Variants in GNB1 observed in about 807,000 individuals in gnomAD.
GNB1 encodes G protein subunit beta 1, also known as guanine nucleotide-binding protein G(I)/G(S)/G(T) subunit beta-1.
In GNB1, 2 loss-of-function variants were observed where a neutral mutation model predicts 42.9. That is an observed-to-expected ratio of 0.05 (90% confidence interval 0.02 to 0.15). GNB1 has a LOEUF of 0.15. Ranked by LOEUF, GNB1 falls within the 10% of genes least tolerant of loss-of-function variation. The pLI is 1.00. For missense variants in GNB1, 193 were observed against 462.2 expected, an observed-to-expected ratio of 0.42 and a Z score of 5.34; for synonymous variants, 183 against 174.7, an observed-to-expected ratio of 1.05 and a Z score of -0.38.
rs775053997 is a variant in GNB1 at position 1,804,601 on chromosome 1, T to C, written c.268-20A>G. On this transcript the variant is annotated intron_variant, in intron 6 of 11. Coordinates refer to ENST00000378609, the MANE Select transcript of GNB1 (RefSeq NM_002074.5). ...GTGGACCTAATGACAGAAAGACAGA[T>C]GATGCAAACAACTTTATGTTCAAAA... 6.5e-7 allele frequency: 1 copy of C among 1,538,500 alleles called. No homozygotes were observed. Among genetic ancestry groups the C allele is most frequent in the Non-Finnish European group, 8.8e-7 (1 of 1,139,442 alleles).
chr1:1,837,533 C>T (rs931285862), intron 2 of GNB1, among the ~76,000 whole-genome samples: 6 of 145,126 alleles, frequency 4.1e-5, no homozygotes, highest in South Asian at 4.4e-4. Context: ...GGATTACAGG[C>T]GTGAGCCACC....
intron 7 of GNB1, among the ~76,000 whole-genome samples, chr1:1,795,857 A>C (rs546524793): frequency 6.6e-6 from 1 of 152,304 alleles, no homozygotes; most frequent in East Asian, 1.9e-4. Context: ...TTCTTACTCC[A>C]AGAACCAGAG....
At chr1:1,811,082 T>TA (rs34099129) in intron 5 of GNB1, among the ~76,000 whole-genome samples, 93,994 of 125,472 alleles carry the variant, frequency 0.75, 31,860 homozygotes, top group Admixed American at 0.8. Flanking sequence ...TATATATATA[T>TA]TTTTTTTTTT....
intron 5 of GNB1, among the ~76,000 whole-genome samples, chr1:1,809,696 T>G (rs1303633753): frequency 2.6e-5 from 4 of 152,090 alleles, no homozygotes; most frequent in African/African-American, 9.7e-5. Flanking sequence ...CCAGAGGGAT[T>G]AGGGACACGT....
chr1:1,875,439 C>A (rs568971770), intron 1 of GNB1, among the ~76,000 whole-genome samples: 2 of 152,122 alleles, frequency 1.3e-5, no homozygotes, highest in African/African-American at 2.4e-5. Context: ...GTGATCCACC[C>A]GCTGTGGCCT....
At chr1:1,879,907 AAAAAG>A (rs1412239939) in intron 1 of GNB1, among the ~76,000 whole-genome samples, 1 of 152,068 alleles carries the variant, frequency 6.6e-6, no homozygotes, top group Non-Finnish European at 1.5e-5. Context: ...ATGCAGCTGG[AAAAAG>A]AAAAGAGCTG....
At chr1:1,842,355 A>G (rs1421951369) in intron 1 of GNB1, among the ~76,000 whole-genome samples, 5 of 151,770 alleles carry the variant, frequency 3.3e-5, no homozygotes. Context: ...CCATGAACCC[A>G]GGAGGTAGGG....
chr1:1,822,451 C>T (rs1474701931), intron 3 of GNB1, among the ~76,000 whole-genome samples: 1 of 151,490 alleles, frequency 6.6e-6, no homozygotes, highest in African/African-American at 2.4e-5. Flanking sequence ...TACAGGCGCC[C>T]ACCACCACCA....
intron 2 of GNB1, among the ~76,000 whole-genome samples, chr1:1,829,696 G>C (rs1315042181): frequency 2.0e-5 from 3 of 152,102 alleles, no homozygotes; most frequent in African/African-American, 7.2e-5. Flanking sequence ...TGATGCTTTT[G>C]TGTGTACAAG....
intron 3 of GNB1, chr1:1,818,091 A>C (rs969872162): frequency 6.6e-6 from 3 of 457,508 alleles, no homozygotes; most frequent in Non-Finnish European, 1.2e-5. Flanking sequence ...AGTAGTACCC[A>C]AATCTGTCTA....
intron 1 of GNB1, among the ~76,000 whole-genome samples, chr1:1,845,301 C>A (rs111291999): frequency 0.047 from 7,103 of 152,230 alleles, 434 homozygotes; most frequent in African/African-American, 0.14. Context: ...AGGCCGGGTG[C>A]GGTGGCTCAC....
At chr1:1,853,251 A>G (rs1648087539) in intron 1 of GNB1, among the ~76,000 whole-genome samples, 1 of 152,212 alleles carries the variant, frequency 6.6e-6, no homozygotes, top group Non-Finnish European at 1.5e-5. Context: ...TCTGAAGGAC[A>G]GCTCTGACAT....
intron 5 of GNB1, among the ~76,000 whole-genome samples, chr1:1,811,195 C>T (rs1457766112): frequency 6.6e-6 from 1 of 151,652 alleles, no homozygotes; most frequent in African/African-American, 2.4e-5. Flanking sequence ...AAGCGATTCT[C>T]CCACCTCAGC....
chr1:1,836,304 T>C (rs911512785), intron 2 of GNB1, among the ~76,000 whole-genome samples: 7 of 151,950 alleles, frequency 4.6e-5, no homozygotes, highest in Middle Eastern at 3.2e-3. Context: ...AGGCACTCAA[T>C]TGCTGTCTAT....
intron 7 of GNB1, among the ~76,000 whole-genome samples, chr1:1,803,235 T>G (rs1480687586): frequency 6.6e-6 from 1 of 152,242 alleles, no homozygotes; most frequent in East Asian, 1.9e-4. Context: ...GATGAATTAG[T>G]GTCACAAGTA....
At chr1:1,875,634 A>G (rs910993381) in intron 1 of GNB1, among the ~76,000 whole-genome samples, 1 of 152,150 alleles carries the variant, frequency 6.6e-6, no homozygotes, top group African/African-American at 2.4e-5. Flanking sequence ...TTGGCCTCCC[A>G]AAGTGCTGAG....
intron 1 of GNB1, among the ~76,000 whole-genome samples, chr1:1,889,118 A>T (rs1276032498): frequency 6.6e-6 from 1 of 152,250 alleles, no homozygotes; most frequent in Non-Finnish European, 1.5e-5. Flanking sequence ...ATCACTTCAG[A>T]TTAGAAAATA....
intron 7 of GNB1, chr1:1,793,896 A>C (rs1646512440): frequency 6.5e-6 from 1 of 153,594 alleles, no homozygotes; most frequent in Non-Finnish European, 1.4e-5. Context: ...CCAGGGCAGG[A>C]GGCGGCGAGG....
intron 6 of GNB1, 96 bp from the exon 7 acceptor site, chr1:1,804,677 G>C (rs1646672398): frequency 2.1e-6 from 2 of 938,044 alleles, no homozygotes; most frequent in Non-Finnish European, 3.2e-6. Flanking sequence ...TGCAAAGGAG[G>C]TAACAGAACA....
Sources: allele counts gnomAD v4.1 joint callset (sites outside exome capture counted in the v4.1 genomes callset), GRCh38; gene constraint gnomAD v4.1.1; transcripts MANE v1.5; gene names NCBI Gene and HGNC (gene_info 2026-07-23, HGNC 2026-07-21).